MGAT4C: variants seen among roughly 807,000 people sequenced by gnomAD.
MGAT4C encodes MGAT4 family member C, also known as alpha-1,3-mannosyl-glycoprotein 4-beta-N-acetylglucosaminyltransferase C.
Under a neutral mutation model 40.1 loss-of-function variants are expected in MGAT4C, and 19 were observed. The observed-to-expected ratio is 0.47, with a 90% CI of 0.33 to 0.70. The LOEUF is 0.70. MGAT4C is among the 30% of genes least tolerant of loss of function. The pLI is 0.02. For missense variants in MGAT4C, 491 were observed against 563.2 expected, an observed-to-expected ratio of 0.87 and a Z score of 1.30; for synonymous variants, 181 against 187.1, an observed-to-expected ratio of 0.97 and a Z score of 0.27.
At chr12:86,415,048 T>C (rs572223712) in intron 3 of MGAT4C, among the ~76,000 whole-genome samples, 26 of 152,164 alleles carry the variant, frequency 1.7e-4, no homozygotes, top group African/African-American at 6.3e-4. Context: ...TTTTAAACTT[T>C]CCACCCCTAT....
intron 1 of MGAT4C, among the ~76,000 whole-genome samples, chr12:86,072,413 GA>G (rs1271133487): frequency 6.6e-6 from 1 of 150,814 alleles, no homozygotes; most frequent in Non-Finnish European, 1.5e-5. Flanking sequence ...AAGAAGAGAA[GA>G]AAAAATTACA....
chr12:86,827,153 C>G (rs919479173), intron 1 of MGAT4C, among the ~76,000 whole-genome samples: 5 of 151,336 alleles, frequency 3.3e-5, no homozygotes, highest in African/African-American at 1.2e-4. Context: ...GATCCCCCAT[C>G]TAAAATCATT....
intron 2 of MGAT4C, among the ~76,000 whole-genome samples, chr12:86,700,134 TAGATAGACAGACAGACAGAC>T (rs1255943644): frequency 5.8e-5 from 7 of 120,560 alleles, no homozygotes; most frequent in East Asian, 2.2e-4. Context: ...ATAATGTAGA[TAGATAGACAGACAGACAGAC>T]AGACAGACAG....
intron 2 of MGAT4C, among the ~76,000 whole-genome samples, chr12:86,451,959 G>T (rs1957430455): frequency 6.6e-6 from 1 of 151,902 alleles, no homozygotes; most frequent in Non-Finnish European, 1.5e-5. Context: ...TCAATATCTA[G>T]TAAACCTGAG....
chr12:86,557,846 C>T (rs751811797), intron 2 of MGAT4C, among the ~76,000 whole-genome samples: 14 of 151,936 alleles, frequency 9.2e-5, no homozygotes, highest in Non-Finnish European at 1.8e-4. Flanking sequence ...TCCAAAGAAA[C>T]ATAATAGTGC....
chr12:86,410,122 A>C (rs1408181036), intron 3 of MGAT4C, among the ~76,000 whole-genome samples: 1 of 152,162 alleles, frequency 6.6e-6, no homozygotes, highest in African/African-American at 2.4e-5. Flanking sequence ...AATTAGAATT[A>C]CTGATGAGGG....
intron 1 of MGAT4C, among the ~76,000 whole-genome samples, chr12:86,764,656 T>C (rs561249152): frequency 6.6e-6 from 1 of 151,346 alleles, no homozygotes; most frequent in Non-Finnish European, 1.5e-5. Context: ...CGGGTACTCC[T>C]CTGAGACAAA....
chr12:86,118,859 T>C (rs1488313359), intron 1 of MGAT4C, among the ~76,000 whole-genome samples: 1 of 152,196 alleles, frequency 6.6e-6, no homozygotes, highest in Non-Finnish European at 1.5e-5. Context: ...AATTATGTTA[T>C]ATGCATCTGG....
chr12:86,476,637 T>C (rs879769357), intron 2 of MGAT4C, among the ~76,000 whole-genome samples: 33 of 152,220 alleles, frequency 2.2e-4, no homozygotes, highest in Middle Eastern at 3.4e-3. Flanking sequence ...TGTATGTTAA[T>C]TGCAGAGCTA....
At chr12:86,768,994 C>T (rs1377573105) in intron 1 of MGAT4C, among the ~76,000 whole-genome samples, 1 of 151,682 alleles carries the variant, frequency 6.6e-6, no homozygotes, top group Non-Finnish European at 1.5e-5. Context: ...AAAGCAATGG[C>T]AACAAAAGAC....
intron 4 of MGAT4C, among the ~76,000 whole-genome samples, chr12:86,283,638 G>A (rs922092902): frequency 2.0e-5 from 3 of 151,982 alleles, no homozygotes; most frequent in Admixed American, 1.3e-4. Context: ...CTGATACAGC[G>A]ACCATGGGTG....
Position 86,277,605 on chromosome 12 carries a change from T to C in MGAT4C, c.-57+56460A>G, listed in dbSNP as rs1366638628. Among the ~76,000 whole-genome samples, 5 of 152,348 alleles carry C rather than the reference T, an allele frequency of 3.3e-5. No individual in the cohort carries two copies. In the East Asian group the frequency reaches 9.6e-4, roughly 29 times the overall value. On this transcript the variant is annotated intron_variant, in intron 4 of 7. Coordinates refer to the MGAT4C transcript ENST00000548651. ...GAATAGAGTGGGGTAGTTTCATTCTTCTGCATATGGATATCCAGTTTCCCC... is the reference window on the plus strand; with the variant it reads ...GAATAGAGTGGGGTAGTTTCATTCTCCTGCATATGGATATCCAGTTTCCCC...
At chr12:85,980,573 G>T in intron 4 of MGAT4C, 143 bp from the exon 5 acceptor site, 1 of 670,688 alleles carries the variant, frequency 1.5e-6, no homozygotes, top group Non-Finnish European at 2.4e-6. Flanking sequence ...AACATTTTAT[G>T]ATTAAAGTAA....
chr12:86,812,642 T>C (rs985337562), intron 1 of MGAT4C, among the ~76,000 whole-genome samples: 2 of 152,150 alleles, frequency 1.3e-5, no homozygotes, highest in Non-Finnish European at 2.9e-5. Context: ...TTTTTTATCT[T>C]TAATGTTTTA....
In MGAT4C at chr12:86,198,982, G is replaced by A. The variant is rs1949930037; in HGVS notation, c.-57+57257C>T. Among the ~76,000 whole-genome samples, 2 of 152,110 alleles carry A rather than the reference G, an allele frequency of 1.3e-5. 1 individual carries two copies. Among genetic ancestry groups the A allele is most frequent in the East Asian group, 3.9e-4 (2 of 5,194 alleles). ...TCACTGGGACTTTCAAAGAACAAAT[G>A]CCATCTATGTGAAAATAACACACTA... On this transcript the variant is annotated intron_variant, in intron 1 of 4. Coordinates refer to ENST00000611864, the MANE Select transcript of MGAT4C (RefSeq NM_001351288.2).
intron 1 of MGAT4C, among the ~76,000 whole-genome samples, chr12:86,250,071 T>G (rs754844320): frequency 7.9e-5 from 12 of 152,128 alleles, no homozygotes; most frequent in Non-Finnish European, 1.5e-4. Flanking sequence ...GGCTGAGCTT[T>G]AAATAATTTG....
intron 2 of MGAT4C, among the ~76,000 whole-genome samples, chr12:86,582,809 C>T (rs575495986): frequency 6.6e-6 from 1 of 151,288 alleles, no homozygotes; most frequent in South Asian, 2.1e-4. Context: ...AAGTGACTCC[C>T]AGACTGTATC....
intron 2 of MGAT4C, among the ~76,000 whole-genome samples, chr12:86,046,584 T>A (rs1338361204): frequency 3.3e-5 from 5 of 152,142 alleles, no homozygotes; most frequent in African/African-American, 9.7e-5. Context: ...TCAGTGGAAT[T>A]ACCCACGCAA....
chr12:86,113,188 T>C (rs1877761097), intron 1 of MGAT4C, among the ~76,000 whole-genome samples: 1 of 151,822 alleles, frequency 6.6e-6, no homozygotes, highest in Admixed American at 6.6e-5. Flanking sequence ...TTGTTCCTTA[T>C]TTTATTTTTA....
Sources: gnomAD v4.1 joint callset for allele counts (sites outside exome capture counted in the v4.1 genomes callset) on GRCh38, gnomAD v4.1.1 for gene constraint, MANE v1.5 for transcripts, NCBI Gene and HGNC (gene_info 2026-07-23, HGNC 2026-07-21) for gene names.